The following QSOX1 variants were observed in gnomAD, a reference collection of about 807,000 sequenced individuals.
The protein encoded by QSOX1 is quiescin sulfhydryl oxidase 1, also known as sulfhydryl oxidase 1.
In QSOX1, 40 loss-of-function variants were observed where a neutral mutation model predicts 76.1. The observed-to-expected ratio is 0.53, with a 90% CI of 0.41 to 0.68. The LOEUF is 0.68. Among genes scored for constraint, QSOX1 ranks in the 30% least tolerant of loss-of-function variants. QSOX1 has a pLI of 0.00. For missense variants in QSOX1, 931 were observed against 974.3 expected (o/e 0.96, Z 0.59); for synonymous variants, 392 against 413.1 (o/e 0.95, Z 0.62).
chr1:180,175,921 T>A lies in QSOX1; in HGVS notation c.413-10T>A. ...CCTGACACTCCGCTCACGCCTGTTT[T>A]CATTTACAGTGGCTGGTGCTGACGT... is the stretch of plus-strand genomic sequence containing the variant. On this transcript the variant is annotated splice_polypyrimidine_tract_variant and intron_variant, in intron 3 of 11. Coordinates refer to ENST00000367602, the MANE Select transcript of QSOX1 (RefSeq NM_002826.5). The A allele has an allele frequency of 6.3e-7, 1 of 1,580,906 alleles. No individual in the cohort carries two copies. Among genetic ancestry groups the A allele is most frequent in the Non-Finnish European group, 8.6e-7 (1 of 1,162,426 alleles).
chr1:180,198,617 C>T lies in QSOX1; in HGVS notation c.*1580C>T. The T allele has an allele frequency of 1.1e-5, 4 of 353,314 alleles. No homozygotes were observed. Among genetic ancestry groups the T allele is most frequent in the South Asian group, 8.4e-5 (4 of 47,804 alleles). 21.9% of individuals were successfully genotyped at this position (353,314 alleles called of 1,614,324 possible). A position where few individuals can be genotyped will look rare whatever the true frequency, so the allele number is the denominator to read the frequency against. Reference sequence around the variant, plus strand: ...GGCAGCTGGGGCTGGGGAGGGATGGCAGTCTCCCTGCATGTTTCCCTCGAC... The same window carrying T: ...GGCAGCTGGGGCTGGGGAGGGATGGTAGTCTCCCTGCATGTTTCCCTCGAC... On this transcript the variant is annotated 3_prime_UTR_variant, in exon 12 of 12. Transcript: ENST00000367602.
At position 180,200,295 on chromosome 1, in the gene QSOX1, A is replaced by ATGTCGTGTCGTCTCC. The variant is rs1344412930; in HGVS notation, c.*3263_*3277dup. 1 of 152,198 alleles carries ATGTCGTGTCGTCTCC rather than the reference A, an allele frequency of 6.6e-6. No homozygotes were observed. Among genetic ancestry groups the ATGTCGTGTCGTCTCC allele is most frequent in the Non-Finnish European group, 1.5e-5 (1 of 68,050 alleles). 9.4% of individuals were successfully genotyped at this position (152,198 alleles called of 1,614,324 possible). On this transcript the variant is annotated 3_prime_UTR_variant, in exon 12 of 12. Transcript: ENST00000367602. ...GCTTAATAATGGTAGCCCACTGCTCATGTCGTGTCGTCTCCTGTCTTGATA... is the reference window on the plus strand; with the variant it reads ...GCTTAATAATGGTAGCCCACTGCTCATGTCGTGTCGTCTCCTGTCGTGTCGTCTCCTGTCTTGATA...
rs79967535 is a variant in QSOX1, at chr1:180,196,025, C to T, written c.1469-237C>T. On this transcript the variant is annotated intron_variant, in intron 11 of 11. Transcript: ENST00000367602. This position sits in a 1 kb window ranked among gnomAD's most constrained non-coding sequence, Gnocchi z 4.1. ...CTCTTCACGCTTCCCTGGAAAACCACGGAGGGCCGGGGCTGAGGGGTAGGT... is the reference window on the plus strand; with the variant it reads ...CTCTTCACGCTTCCCTGGAAAACCATGGAGGGCCGGGGCTGAGGGGTAGGT... Among the ~76,000 whole-genome samples, 16,105 of 152,168 alleles carry T rather than the reference C, an allele frequency of 0.11. 1,164 individuals carry two copies. Among genetic ancestry groups the T allele is most frequent in the Middle Eastern group, 0.21 (61 of 294 alleles).
intron 2 of QSOX1, among the ~76,000 whole-genome samples, chr1:180,171,585 T>C (rs1254598646): frequency 6.6e-6 from 1 of 152,208 alleles, no homozygotes; most frequent in East Asian, 1.9e-4. Flanking sequence ...GGAGAAATGA[T>C]AGGTTTGTTC....
intron 1 of QSOX1, among the ~76,000 whole-genome samples, chr1:180,164,446 T>C (rs1662564769): frequency 6.6e-6 from 1 of 151,280 alleles, no homozygotes; most frequent in Non-Finnish European, 1.5e-5. Context: ...CTTCGAGGAG[T>C]CCAGAAGCTA....
At chr1:180,172,060 G>T (rs979516388) in intron 2 of QSOX1, among the ~76,000 whole-genome samples, 2 of 152,180 alleles carry the variant, frequency 1.3e-5, no homozygotes, top group Admixed American at 1.3e-4. Context: ...TGAGGAGCAA[G>T]GGCAGACGCT....
At chr1:180,183,870 T>C (rs1663101209) in intron 6 of QSOX1, 46 bp from the exon 7 acceptor site, 1 of 1,572,724 alleles carries the variant, frequency 6.4e-7, no homozygotes, top group Admixed American at 1.8e-5. Context: ...TCTAATCTTG[T>C]TCTCTGCACT....
intron 2 of QSOX1, among the ~76,000 whole-genome samples, chr1:180,172,338 G>A (rs979465313): frequency 7.2e-5 from 11 of 152,094 alleles, no homozygotes; most frequent in African/African-American, 2.4e-4. Flanking sequence ...TGGGAGGTGG[G>A]TGCGAAGCTT....
chr1:180,184,023 C>T lies in QSOX1; in HGVS notation c.860C>T (p.Ala287Val), dbSNP rs746217745. 25 of 1,614,118 alleles carry T rather than the reference C, an allele frequency of 1.5e-5. No individual in the cohort carries two copies. The African/African-American group carries it at 3.3e-4, about 22-fold the overall frequency. ...GCACCAACCACTGCTAACAAGATAG[C>T]TCCCACTGTTTGGAAATTGGCAGAT... Reference protein sequence around the residue: ...TVAPTTANKIAPTVWKLADRS... With the variant: ...TVAPTTANKIVPTVWKLADRS... Residue 287 changes from alanine (A) to valine (V), a missense_variant, in exon 7 of 12, where the codon GCT becomes GTT. Transcript: ENST00000367602.
Position 180,175,988 on chromosome 1 carries a change from A to T in QSOX1, c.470A>T (p.His157Leu). 1 of 1,602,750 alleles carries T rather than the reference A, an allele frequency of 6.2e-7. No individual in the cohort carries two copies. Among genetic ancestry groups the T allele is most frequent in the Non-Finnish European group, 8.5e-7 (1 of 1,175,424 alleles). Reference sequence around the variant, plus strand: ...AGGCTCATTGACGCCCTGGAGTCCCATCATGACACGTGGCCCCCAGCCTGT... The same window carrying T: ...AGGCTCATTGACGCCCTGGAGTCCCTTCATGACACGTGGCCCCCAGCCTGT... ...RERLIDALES[H>L]HDTWPPACPP... is the part of the protein sequence containing the mutation. The change falls in exon 4 of 12, where the codon CAT becomes CTT. Residue 157 changes from histidine (H) to leucine (L), a missense_variant. His to Leu is a moderately conservative substitution (Grantham distance 99, BLOSUM62 -3). Coordinates refer to ENST00000367602, the MANE Select transcript of QSOX1 (RefSeq NM_002826.5).
At chr1:180,175,489 C>A in intron 3 of QSOX1, 123 bp downstream of exon 3, 1 of 1,018,518 alleles carries the variant, frequency 9.8e-7, no homozygotes, top group Non-Finnish European at 1.5e-6. Flanking sequence ...AGGCGGTCCC[C>A]ACGGGAAGCC....
chr1:180,165,589 C>T (rs530149989), intron 1 of QSOX1, among the ~76,000 whole-genome samples: 10 of 152,228 alleles, frequency 6.6e-5, no homozygotes, highest in Non-Finnish European at 1.5e-4. Context: ...TCTGCAGGGC[C>T]GACCTCTCCA....
At chr1:180,182,483 C>T (rs1244337060) in intron 6 of QSOX1, among the ~76,000 whole-genome samples, 164 bp downstream of exon 6, 1 of 152,200 alleles carries the variant, frequency 6.6e-6, no homozygotes, top group African/African-American at 2.4e-5. Flanking sequence ...GCGCCTCCAC[C>T]GTCAGGAGCC....
chr1:180,180,074 G>T (rs1662991184), intron 5 of QSOX1, among the ~76,000 whole-genome samples: 1 of 152,236 alleles, frequency 6.6e-6, no homozygotes, highest in Non-Finnish European at 1.5e-5. Flanking sequence ...GTGGCTAAGG[G>T]CCCAGGTTCT....
chr1:180,189,958 A>G (rs139706953), intron 9 of QSOX1, among the ~76,000 whole-genome samples: 45 of 152,368 alleles, frequency 3.0e-4, no homozygotes, highest in Non-Finnish European at 6.2e-4. Flanking sequence ...TCATGGAGCC[A>G]GTAAGTGTTT....
intron 4 of QSOX1, among the ~76,000 whole-genome samples, chr1:180,176,482 G>A (rs543577271): frequency 6.6e-6 from 1 of 152,340 alleles, no homozygotes; most frequent in South Asian, 2.1e-4. Context: ...AAATTGGGGG[G>A]AGGTGGAGAG....
At chr1:180,170,567 G>A (rs1433431449) in intron 2 of QSOX1, among the ~76,000 whole-genome samples, 1 of 152,178 alleles carries the variant, frequency 6.6e-6, no homozygotes, top group African/African-American at 2.4e-5. Context: ...GGAGCAGCTA[G>A]AGGTCTTCCA....
intron 10 of QSOX1, 101 bp from the exon 11 acceptor site, chr1:180,194,112 G>A (rs1572055682): frequency 8.8e-7 from 1 of 1,135,780 alleles, no homozygotes. Context: ...GTGCAGGGGT[G>A]GCCACGGCAG....
intron 2 of QSOX1, among the ~76,000 whole-genome samples, chr1:180,171,993 A>G (rs1662769368): frequency 6.6e-6 from 1 of 152,194 alleles, no homozygotes; most frequent in Non-Finnish European, 1.5e-5. Flanking sequence ...AAGGTCACCA[A>G]GGAGCTTCCC....
Sources: allele counts gnomAD v4.1 joint callset (sites outside exome capture counted in the v4.1 genomes callset), GRCh38; gene constraint gnomAD v4.1.1; non-coding constraint Gnocchi (gnomAD v3.1); transcripts MANE v1.5; gene names NCBI Gene and HGNC (gene_info 2026-07-23, HGNC 2026-07-21).